The following RIT2 variants were observed in gnomAD, a reference collection of about 807,000 sequenced individuals.
RIT2 encodes the protein GTP-binding protein Rit2.
RIT2 carries 24 observed loss-of-function variants against 23.7 expected under a neutral mutation model. That is an observed-to-expected ratio of 1.01 (90% CI 0.73 to 1.43). The LOEUF is 1.43. Among genes scored for constraint, RIT2 ranks in the 40% most tolerant of loss-of-function variants. RIT2 has a pLI of 0.00. For synonymous variants in RIT2, 107 were observed against 91.1 expected, an observed-to-expected ratio of 1.17 and a Z score of -0.99; for missense variants, 236 against 266.9, an observed-to-expected ratio of 0.88 and a Z score of 0.81.
At chr18:42,953,237 G>A (rs1909895173) in intron 3 of RIT2, among the ~76,000 whole-genome samples, 1 of 151,868 alleles carries the variant, frequency 6.6e-6, no homozygotes, top group African/African-American at 2.4e-5. Flanking sequence ...CTGACATTCT[G>A]CCATGTTTAT....
intron 2 of RIT2, among the ~76,000 whole-genome samples, chr18:42,994,187 T>C (rs553095242): frequency 6.6e-6 from 1 of 152,254 alleles, no homozygotes; most frequent in Non-Finnish European, 1.5e-5. Context: ...CGCTTTCACT[T>C]GGACTGACCT....
chr18:42,900,856 G>A (rs1255466410), intron 4 of RIT2, among the ~76,000 whole-genome samples: 2 of 152,072 alleles, frequency 1.3e-5, no homozygotes, highest in South Asian at 2.1e-4. Context: ...TAAAGCGGGG[G>A]TGAATGTTTA....
chr18:42,835,658 G>A (rs2144015973), intron 4 of RIT2, among the ~76,000 whole-genome samples: 1 of 152,214 alleles, frequency 6.6e-6, no homozygotes, highest in African/African-American at 2.4e-5. Flanking sequence ...TCAATGTAAA[G>A]AAATTAATGC....
At chr18:43,058,516 A>T (rs1363169249) in intron 1 of RIT2, among the ~76,000 whole-genome samples, 4 of 152,144 alleles carry the variant, frequency 2.6e-5, no homozygotes, top group African/African-American at 9.7e-5. Context: ...TTGTGTGTGT[A>T]TGTGAGTAGG....
chr18:42,856,360 C>T (rs1224384924), intron 4 of RIT2, among the ~76,000 whole-genome samples: 2 of 152,220 alleles, frequency 1.3e-5, no homozygotes, highest in Non-Finnish European at 2.9e-5. Context: ...CTCCATCTAG[C>T]AGCATTAGAT....
At chr18:42,898,028 T>C (rs1000399284) in intron 4 of RIT2, among the ~76,000 whole-genome samples, 7 of 152,162 alleles carry the variant, frequency 4.6e-5, no homozygotes, top group Non-Finnish European at 8.8e-5. Context: ...GATTTCCTAT[T>C]GAGACTCCAG....
chr18:42,767,094 C>A (rs1484311059), intron 4 of RIT2, among the ~76,000 whole-genome samples: 1 of 152,224 alleles, frequency 6.6e-6, no homozygotes, highest in Admixed American at 6.5e-5. Context: ...AGCCCCCACA[C>A]AGAGTCCCTA....
intron 3 of RIT2, among the ~76,000 whole-genome samples, chr18:42,938,719 A>ACTC (rs1909522027): frequency 6.6e-6 from 1 of 152,138 alleles, no homozygotes. Flanking sequence ...TAGTAATAAA[A>ACTC]TTATTGATAT....
chr18:42,967,434 A>C (rs1910255656), intron 3 of RIT2, among the ~76,000 whole-genome samples: 1 of 150,414 alleles, frequency 6.6e-6, no homozygotes, highest in Non-Finnish European at 1.5e-5. Context: ...CAGTGGCGTG[A>C]TCTCGGCTCA....
intron 2 of RIT2, among the ~76,000 whole-genome samples, chr18:43,003,761 GACACAC>G (rs56860348): frequency 0.07 from 9,108 of 129,394 alleles, 348 homozygotes; most frequent in Non-Finnish European, 0.08. Flanking sequence ...CCTCCTCAGT[GACACAC>G]ACACACACAC....
Position 43,097,289 on chromosome 18 carries a change from G to C in RIT2, c.103+18128C>G, listed in dbSNP as rs78507705. ...CGACAATTTGAGAAGTACTGGCATA[G>C]AGTATAGAGCATATAAAACTTAACT... On this transcript the variant is annotated intron_variant, in intron 1 of 4. Transcript: ENST00000326695. Among the ~76,000 whole-genome samples, 1,007 of 151,996 alleles carry C rather than the reference G, an allele frequency of 6.6e-3. 5 individuals carry two copies. Among genetic ancestry groups the C allele is most frequent in the Non-Finnish European group, 0.011 (777 of 67,848 alleles).
intron 2 of RIT2, among the ~76,000 whole-genome samples, chr18:42,990,355 T>C (rs1338511252): frequency 6.6e-6 from 1 of 152,130 alleles, no homozygotes. Context: ...ATTCAAATAC[T>C]ACTGTCATCC....
rs547352729 is a variant in RIT2 at position 42,891,038 on chromosome 18, G to C, written c.426+32534C>G. Among the ~76,000 whole-genome samples, 5 of 152,210 alleles carry C rather than the reference G, an allele frequency of 3.3e-5. No individual in the cohort carries two copies. The South Asian group carries it at 1.0e-3, about 32-fold the overall frequency. On this transcript the variant is annotated intron_variant, in intron 4 of 4. Transcript: ENST00000326695. Reference sequence around the variant, plus strand: ...CATGAGGAGGTTGAATCCTCCAACAGACATATTAAACTAAAAATAGATCAT... The same window carrying C: ...CATGAGGAGGTTGAATCCTCCAACACACATATTAAACTAAAAATAGATCAT...
At chr18:43,056,759 T>A (rs965304269) in intron 1 of RIT2, among the ~76,000 whole-genome samples, 1 of 152,052 alleles carries the variant, frequency 6.6e-6, no homozygotes, top group African/African-American at 2.4e-5. Flanking sequence ...GCTCCAGGCA[T>A]TAGTAAGGTC....
At chr18:42,864,248 C>G (rs931425781) in intron 4 of RIT2, among the ~76,000 whole-genome samples, 3 of 152,142 alleles carry the variant, frequency 2.0e-5, no homozygotes, top group African/African-American at 7.2e-5. Flanking sequence ...TTGAAGTACT[C>G]ACACCATTAA....
intron 4 of RIT2, among the ~76,000 whole-genome samples, chr18:42,849,673 C>G (rs1179390890): frequency 6.6e-6 from 1 of 152,218 alleles, no homozygotes; most frequent in African/African-American, 2.4e-5. Flanking sequence ...GAAAAACCTT[C>G]TATTCAGAAC....
chr18:42,994,807 C>T (rs528715880), intron 2 of RIT2, among the ~76,000 whole-genome samples: 6 of 152,254 alleles, frequency 3.9e-5, no homozygotes, highest in African/African-American at 7.2e-5. Flanking sequence ...TTACTCTCTA[C>T]AGCTCTCATA....
intron 2 of RIT2, among the ~76,000 whole-genome samples, chr18:42,981,395 A>G (rs764072412): frequency 6.6e-6 from 1 of 152,290 alleles, no homozygotes; most frequent in Admixed American, 6.5e-5. Context: ...ATGACTCTTC[A>G]TCCTCATCTG....
chr18:42,758,741 TC>T, intron 4 of RIT2, among the ~76,000 whole-genome samples: 1 of 150,916 alleles, frequency 6.6e-6, no homozygotes, highest in Non-Finnish European at 1.5e-5. Flanking sequence ...GCTAGGCTGG[TC>T]TCAATCTCCT....
Sources: gnomAD v4.1 joint callset for allele counts (sites outside exome capture counted in the v4.1 genomes callset) on GRCh38, gnomAD v4.1.1 for gene constraint, MANE v1.5 for transcripts, NCBI Gene and HGNC (gene_info 2026-07-23, HGNC 2026-07-21) for gene names.